Variants in ATP11A observed in about 807,000 individuals in gnomAD.
ATP11A encodes the protein ATPase phospholipid transporting 11A, also known as phospholipid-transporting ATPase IH.
A neutral mutation model predicts 154.4 loss-of-function variants in ATP11A; 81 were observed. The observed-to-expected ratio is 0.52, with a 90% CI of 0.44 to 0.63. The LOEUF is 0.63. Ranked by LOEUF, ATP11A falls within the 30% of genes least tolerant of loss-of-function variation. The probability of loss-of-function intolerance (pLI) is 0.00; values close to 1 mark genes in which losing one functional copy is unlikely to be tolerated. For synonymous variants in ATP11A, 623 were observed against 585.9 expected (o/e 1.06, Z -0.91); for missense variants, 1,316 against 1,474.3 (o/e 0.89, Z 1.76).
rs552958674 is a variant in ATP11A, at chr13:112,864,941, C to G, written c.2991+2366C>G. 2.8e-3 allele frequency among the ~76,000 whole-genome samples: 196 copies of G among 70,476 alleles called. 17 individuals carry two copies. Among genetic ancestry groups the G allele is most frequent in the Middle Eastern group, 0.021 (2 of 94 alleles). The allele number at this position is 70,476 out of a possible 152,430, so 46.2% of individuals were successfully genotyped here. A position where few individuals can be genotyped will look rare whatever the true frequency, so the allele number is the denominator to read the frequency against. ...CACCTGCGCAGTAATTCAGTGCGGC[C>G]CATGCAGCTTCTCAGCAGGGTCCAT... On this transcript the variant is annotated intron_variant, in intron 25 of 29. Coordinates refer to ENST00000375645, the MANE Select transcript of ATP11A (RefSeq NM_015205.3).
At chr13:112,699,718 G>A (rs113719537) in intron 1 of ATP11A, among the ~76,000 whole-genome samples, 193 of 152,352 alleles carry the variant, frequency 1.3e-3, no homozygotes, top group East Asian at 0.012. Flanking sequence ...CCTTGTCTGC[G>A]TGTGCTTTGG....
Position 112,854,528 on chromosome 13 carries a change from C to T in ATP11A, c.2241C>T (p.Ser747=), listed in dbSNP as rs748742337. The part of the protein sequence containing the change: ...HSGSLTRDNL[S]GLSADMQDYG... ...GGAGCCTGACCAGAGACAACCTGTC[C>T]GGGTAGGCAGCGCGTCCCCGCCCCC... is the stretch of plus-strand genomic sequence containing the variant. The change falls in exon 19 of 30, where the codon TCC becomes TCT. Residue 747 remains serine (S), a splice_region_variant and synonymous_variant. Transcript: ENST00000375645. The T allele has an allele frequency of 1.1e-5, 18 of 1,605,442 alleles. 1 individual carries two copies. Among genetic ancestry groups the T allele is most frequent in the East Asian group, 2.2e-5 (1 of 44,796 alleles).
chr13:112,822,167 T>G (rs2078814046), intron 8 of ATP11A, among the ~76,000 whole-genome samples: 1 of 152,358 alleles, frequency 6.6e-6, no homozygotes, highest in East Asian at 1.9e-4. Context: ...TTTTGACCCT[T>G]TACCCTCTGA....
intron 2 of ATP11A, among the ~76,000 whole-genome samples, chr13:112,793,002 C>T (rs949047912): frequency 6.6e-6 from 1 of 152,204 alleles, no homozygotes; most frequent in African/African-American, 2.4e-5. Context: ...TTCATGACTT[C>T]TATTTGTATA....
intron 25 of ATP11A, among the ~76,000 whole-genome samples, chr13:112,864,093 G>A (rs552942058): frequency 4.7e-5 from 4 of 85,488 alleles, no homozygotes; most frequent in African/African-American, 1.7e-4. Flanking sequence ...GCTTCTCAGC[G>A]GGGTCCATCA....
At chr13:112,702,358 A>AAAG (rs1555302539) in intron 1 of ATP11A, among the ~76,000 whole-genome samples, 2 of 151,228 alleles carry the variant, frequency 1.3e-5, no homozygotes, top group East Asian at 1.9e-4. Context: ...AAAAAAAAAA[A>AAAG]AAAAGAAACC....
chr13:112,841,701 G>A (rs1194714338), intron 16 of ATP11A, among the ~76,000 whole-genome samples: 1 of 152,276 alleles, frequency 6.6e-6, no homozygotes, highest in Non-Finnish European at 1.5e-5. Context: ...CGTGGCCTTT[G>A]CTGTATGCTG....
At chr13:112,761,574 C>T (rs534895013) in intron 1 of ATP11A, among the ~76,000 whole-genome samples, 3 of 149,914 alleles carry the variant, frequency 2.0e-5, no homozygotes, top group Admixed American at 1.3e-4. Context: ...TGGAAGCACC[C>T]CTGAGGATAA....
chr13:112,720,821 G>A (rs1218854456), intron 1 of ATP11A, among the ~76,000 whole-genome samples: 2 of 152,160 alleles, frequency 1.3e-5, no homozygotes, highest in Non-Finnish European at 2.9e-5. Context: ...CTCTCAAAGT[G>A]CTGAGATTAG....
Position 112,729,523 on chromosome 13 carries a change from A to G in ATP11A, c.39+39068A>G, listed in dbSNP as rs568207497. Among the ~76,000 whole-genome samples, 543 of 151,644 alleles carry G rather than the reference A, an allele frequency of 3.6e-3. 3 individuals are homozygous for G. Among genetic ancestry groups the G allele is most frequent in the African/African-American group, 0.012 (512 of 41,250 alleles). ...GTGTCGGAAGGCACTGAGGCAGCGC[A>G]GTCCCCACCTTGGCATTGCAGGCCC... is the stretch of plus-strand genomic sequence containing the variant. On this transcript the variant is annotated intron_variant, in intron 1 of 29. Transcript: ENST00000375645.
chr13:112,880,893 A>G, intron 29 of ATP11A: 6 of 1,003,246 alleles, frequency 6.0e-6, no homozygotes, highest in Non-Finnish European at 6.0e-6. Context: ...CACGGCACAC[A>G]GCCTGACCAG....
intron 1 of ATP11A, among the ~76,000 whole-genome samples, chr13:112,742,434 G>A (rs567471233): frequency 9.8e-5 from 15 of 152,310 alleles, no homozygotes; most frequent in African/African-American, 3.4e-4. Context: ...GTGAGCACGC[G>A]GTGTCACAGG....
At chr13:112,854,083 G>A (rs897177901) in intron 18 of ATP11A, among the ~76,000 whole-genome samples, 196 bp from the exon 19 acceptor site, 9 of 152,240 alleles carry the variant, frequency 5.9e-5, no homozygotes, top group East Asian at 1.9e-4. Flanking sequence ...GAAGTGTTTC[G>A]CTGTGAAACA....
intron 1 of ATP11A, among the ~76,000 whole-genome samples, chr13:112,740,167 T>TAG (rs1188541392): frequency 3.3e-5 from 5 of 149,440 alleles, no homozygotes; most frequent in Admixed American, 1.3e-4. Flanking sequence ...TATATATATA[T>TAG]ATAGATATCT....
chr13:112,862,151 C>T (rs2080128028), intron 24 of ATP11A, among the ~76,000 whole-genome samples: 1 of 152,238 alleles, frequency 6.6e-6, no homozygotes, highest in Admixed American at 6.5e-5. Context: ...CTGTTCGTTG[C>T]TTTCAGAAGC....
At chr13:112,778,579 A>C (rs1034354207) in intron 1 of ATP11A, among the ~76,000 whole-genome samples, 1 of 152,168 alleles carries the variant, frequency 6.6e-6, no homozygotes. Flanking sequence ...CGCTGGAGTG[A>C]GTAGCCACTG....
chr13:112,876,685 G>A (rs1197298352), intron 28 of ATP11A, among the ~76,000 whole-genome samples: 1 of 152,236 alleles, frequency 6.6e-6, no homozygotes, highest in African/African-American at 2.4e-5. Flanking sequence ...ACTGGGCAGT[G>A]CTGAAGCCCA....
intron 9 of ATP11A, 55 bp downstream of exon 9, chr13:112,823,464 C>A: frequency 6.9e-7 from 1 of 1,458,904 alleles, no homozygotes; most frequent in Non-Finnish European, 9.5e-7. Flanking sequence ...ATGCATGAAG[C>A]AAAAGTTAAA....
intron 1 of ATP11A, among the ~76,000 whole-genome samples, chr13:112,695,548 T>G (rs932185606): frequency 6.6e-6 from 1 of 152,238 alleles, no homozygotes; most frequent in Non-Finnish European, 1.5e-5. Context: ...TTTTATTTCT[T>G]GCCAGGGAGT....
Sources: allele counts gnomAD v4.1 joint callset (sites outside exome capture counted in the v4.1 genomes callset), GRCh38; gene constraint gnomAD v4.1.1; transcripts MANE v1.5; gene names NCBI Gene and HGNC (gene_info 2026-07-23, HGNC 2026-07-21).